LTBP2: variants seen among roughly 807,000 people sequenced by gnomAD.
LTBP2 encodes the protein latent-transforming growth factor beta-binding protein 2.
LTBP2 carries 103 observed loss-of-function variants against 210.6 expected under a neutral mutation model. The ratio of observed to expected loss-of-function variants is 0.49; its 90% CI spans 0.42 to 0.58. LTBP2 has a LOEUF of 0.58. Among genes scored for constraint, LTBP2 ranks in the 20% least tolerant of loss-of-function variants. The pLI is 0.00. For missense variants in LTBP2, 2,313 were observed against 2,494.5 expected, an observed-to-expected ratio of 0.93 and a Z score of 1.55; for synonymous variants, 1,007 against 1,015.0, an observed-to-expected ratio of 0.99 and a Z score of 0.15.
intron 33 of LTBP2, 95 bp from the exon 34 acceptor site, chr14:74,503,029 C>G: frequency 6.5e-7 from 1 of 1,539,266 alleles, no homozygotes; most frequent in Non-Finnish European, 8.9e-7. Flanking sequence ...GGACTGGTAC[C>G]CTCTGGGAGA....
At chr14:74,503,798 C>T (rs878974708) in intron 31 of LTBP2, 128 bp downstream of exon 31, 1 of 1,447,384 alleles carries the variant, frequency 6.9e-7, no homozygotes, top group Non-Finnish European at 9.4e-7. Flanking sequence ...TGGGACCAGC[C>T]TGCTGCAGTG....
chr14:74,577,749 C>T (rs931828984), intron 3 of LTBP2, among the ~76,000 whole-genome samples: 3 of 149,938 alleles, frequency 2.0e-5, no homozygotes, highest in African/African-American at 2.5e-5. Flanking sequence ...TCCAGTGATC[C>T]GCCTGTCTCA....
intron 3 of LTBP2, among the ~76,000 whole-genome samples, chr14:74,575,117 C>T (rs1049339278): frequency 2.0e-5 from 3 of 152,188 alleles, no homozygotes; most frequent in African/African-American, 4.8e-5. Flanking sequence ...TTCTAGGCTC[C>T]GGATCAAAGC....
In LTBP2 at chr14:74,503,974, G is replaced by A. The variant is rs1466621692; in HGVS notation, c.4534C>T (p.Leu1512=). The A allele has an allele frequency of 1.2e-6, 2 of 1,614,162 alleles. No homozygotes were observed. Among genetic ancestry groups the A allele is most frequent in the Middle Eastern group, 1.6e-4 (1 of 6,062 alleles). ...TCGTAGTGGAAGCCGGGATTGCACA[G>A]GCAGACATAACCAGGCACGGTGTTG... ...CLNTVPGYVC[L]CNPGFHYDAS... The change falls in exon 31 of 36, where the codon CTG becomes TTG. Residue 1512 remains leucine, a synonymous_variant. Coordinates refer to ENST00000261978, the MANE Select transcript of LTBP2 (RefSeq NM_000428.3).
At chr14:74,576,703 G>T (rs891587950) in intron 3 of LTBP2, among the ~76,000 whole-genome samples, 7 of 151,438 alleles carry the variant, frequency 4.6e-5, no homozygotes, top group African/African-American at 1.7e-4. Context: ...GTTGTGTTAA[G>T]ATGGACACAA....
In LTBP2 at chr14:74,564,367, T is replaced by TTATATATATTTATATATATATTTA. The variant is rs2087873643; in HGVS notation, c.831-8675_831-8674insTAAATATATATATAAATATATATA. 6.3e-4 allele frequency among the ~76,000 whole-genome samples: 21 copies of TTATATATATTTATATATATATTTA among 33,140 alleles called. 1 individual carries two copies. Among genetic ancestry groups the TTATATATATTTATATATATATTTA allele is most frequent in the African/African-American group, 2.0e-3 (20 of 9,768 alleles). 21.7% of individuals were successfully genotyped at this position (33,140 alleles called of 152,430 possible). A position where few individuals can be genotyped will look rare whatever the true frequency, so the allele number is the denominator to read the frequency against. On this transcript the variant is annotated intron_variant, in intron 3 of 35. Transcript: ENST00000261978. The stretch of plus-strand genomic sequence containing the variant: ...TATTTATATATATTTATATATATAT[T>TTATATATATTTATATATATATTTA]TATATATATATATTTATATTTTATA...
intron 3 of LTBP2, among the ~76,000 whole-genome samples, chr14:74,581,791 C>A (rs1472614179): frequency 6.6e-6 from 1 of 151,998 alleles, no homozygotes. Context: ...ATTTTGTGAT[C>A]GTGTGTCATG....
intron 8 of LTBP2, among the ~76,000 whole-genome samples, chr14:74,539,916 A>G (rs555179207): frequency 6.6e-6 from 1 of 152,312 alleles, no homozygotes; most frequent in African/African-American, 2.4e-5. Flanking sequence ...TGCTTTTTAT[A>G]TAAAATGGTC....
Position 74,611,574 on chromosome 14 carries a change from C to T in LTBP2, c.371G>A (p.Ser124Asn), listed in dbSNP as rs1166630454. The T allele has an allele frequency of 1.9e-6, 3 of 1,578,012 alleles. No individual in the cohort carries two copies. Among genetic ancestry groups the T allele is most frequent in the Non-Finnish European group, 2.6e-6 (3 of 1,168,728 alleles). ...RVQPPAQTRR[S>N]TPLGQQQPAP... ...TGGTTGCTGCTGGCCCAGGGGAGTG[C>T]TTCTCCGGGTCTGCGCAGGTGGCTG... The change falls in exon 1 of 36, where the codon AGC (serine) becomes AAC (asparagine). Residue 124 changes from serine to asparagine, a missense_variant. Physicochemically the swap from Ser to Asn is conservative, Grantham distance 46. Transcript: ENST00000261978.
chr14:74,538,666 T>A (rs991513032), intron 8 of LTBP2, among the ~76,000 whole-genome samples: 6 of 152,200 alleles, frequency 3.9e-5, no homozygotes, highest in African/African-American at 1.2e-4. Flanking sequence ...AAGCATGACA[T>A]GTGACAGCCT....
rs749184554 is a variant in LTBP2, at chr14:74,603,708, G to C, written c.495-3C>G. ...ACTGTCCCCCGCAGACGTTCCTCCTGTGGGGTCACCAAAACAGAGTCAACA... is the reference window on the plus strand; with the variant it reads ...ACTGTCCCCCGCAGACGTTCCTCCTCTGGGGTCACCAAAACAGAGTCAACA... On this transcript the variant is annotated splice_polypyrimidine_tract_variant and splice_region_variant and intron_variant, in intron 1 of 35. Coordinates refer to ENST00000261978, the MANE Select transcript of LTBP2 (RefSeq NM_000428.3). 1 of 1,614,088 alleles carries C rather than the reference G, an allele frequency of 6.2e-7. No homozygotes were observed. Among genetic ancestry groups the C allele is most frequent in the Non-Finnish European group, 8.5e-7 (1 of 1,179,940 alleles).
Position 74,499,783 on chromosome 14 carries a change from A to G in LTBP2, c.*1101T>C, listed in dbSNP as rs2086890585. On this transcript the variant is annotated 3_prime_UTR_variant, in exon 36 of 36. Coordinates refer to ENST00000261978, the MANE Select transcript of LTBP2 (RefSeq NM_000428.3). ...CAGATGCACATTTCTTTATTCCACC[A>G]TGGTTCTGAACTCCCAGCTAGTTTG... 4.4e-6 allele frequency: 1 copy of G among 228,534 alleles called. No individual in the cohort carries two copies. The highest frequency in any genetic ancestry group is 8.7e-6 in the Non-Finnish European group (1 of 115,152). 14.2% of individuals were successfully genotyped at this position (228,534 alleles called of 1,614,324 possible).
At chr14:74,504,185 CT>C in intron 30 of LTBP2, 131 bp from the exon 31 acceptor site, 1 of 1,114,484 alleles carries the variant, frequency 9.0e-7, no homozygotes, top group Non-Finnish European at 1.3e-6. Flanking sequence ...GGGCAAGTTG[CT>C]TAAGTTCGCC....
chr14:74,533,215 C>T (rs953623048), intron 9 of LTBP2, among the ~76,000 whole-genome samples: 1 of 152,212 alleles, frequency 6.6e-6, no homozygotes, highest in Admixed American at 6.5e-5. Flanking sequence ...ATATAATACC[C>T]CATTTAATTC....
At chr14:74,579,784 G>T (rs1231444486) in intron 3 of LTBP2, among the ~76,000 whole-genome samples, 1 of 152,208 alleles carries the variant, frequency 6.6e-6, no homozygotes. Context: ...GTAAGGACAG[G>T]CTACCTCCCC....
At chr14:74,510,303 CA>C (rs2087054526) in intron 19 of LTBP2, 90 bp from the exon 20 acceptor site, 1 of 1,580,610 alleles carries the variant, frequency 6.3e-7, no homozygotes, top group East Asian at 2.2e-5. Flanking sequence ...GTTATGAGGC[CA>C]GGGAACCAGC....
At chr14:74,607,455 C>G (rs2088541720) in intron 1 of LTBP2, among the ~76,000 whole-genome samples, 1 of 152,072 alleles carries the variant, frequency 6.6e-6, no homozygotes, top group African/African-American at 2.4e-5. Flanking sequence ...AAAAATGAGT[C>G]AAGCACTGTC....
chr14:74,610,662 T>C (rs2088592571), intron 1 of LTBP2, among the ~76,000 whole-genome samples: 1 of 152,208 alleles, frequency 6.6e-6, no homozygotes, highest in African/African-American at 2.4e-5. Flanking sequence ...TGGGGATTAC[T>C]GGGGCATCTT....
intron 1 of LTBP2, among the ~76,000 whole-genome samples, chr14:74,608,110 C>T (rs1440848577): frequency 1.0e-4 from 15 of 150,388 alleles, no homozygotes; most frequent in South Asian, 6.3e-4. Flanking sequence ...TTAGTAGAGA[C>T]GGGGTTTCAC....
Sources: gnomAD v4.1 joint callset for allele counts (sites outside exome capture counted in the v4.1 genomes callset) on GRCh38, gnomAD v4.1.1 for gene constraint, MANE v1.5 for transcripts, NCBI Gene and HGNC (gene_info 2026-07-23, HGNC 2026-07-21) for gene names.